Variants in OLFM2 observed in about 807,000 individuals in gnomAD.
OLFM2 encodes the protein noelin-2.
In OLFM2, 20 loss-of-function variants were observed where a neutral mutation model predicts 43.9. The ratio of observed to expected loss-of-function variants is 0.46; its 90% confidence interval spans 0.32 to 0.66. OLFM2 has a LOEUF of 0.66. OLFM2 is among the 30% of genes least tolerant of loss of function. OLFM2 has a pLI of 0.04. For missense variants in OLFM2, 416 were observed against 643.6 expected (o/e 0.65, Z 3.83); for synonymous variants, 268 against 278.6 (o/e 0.96, Z 0.38).
At chr19:9,902,245 G>T (rs576540544) in intron 1 of OLFM2, among the ~76,000 whole-genome samples, 10 of 151,948 alleles carry the variant, frequency 6.6e-5, no homozygotes. Flanking sequence ...AACCAGGAGG[G>T]TCTCGATCTC....
intron 1 of OLFM2, among the ~76,000 whole-genome samples, chr19:9,915,504 A>ATTTT (rs1196029710): frequency 3.0e-5 from 2 of 65,936 alleles, no homozygotes; most frequent in African/African-American, 6.3e-5. Context: ...TTTTTTATTT[A>ATTTT]TTTATTTATT....
intron 1 of OLFM2, among the ~76,000 whole-genome samples, chr19:9,916,307 A>G (rs1392692389): frequency 6.6e-6 from 1 of 152,166 alleles, no homozygotes; most frequent in Non-Finnish European, 1.5e-5. Context: ...CAGTGAGCCA[A>G]GATCGAGCCA....
chr19:9,885,919 A>T (rs943763042), intron 1 of OLFM2, among the ~76,000 whole-genome samples: 3 of 152,048 alleles, frequency 2.0e-5, no homozygotes, highest in African/African-American at 7.2e-5. Flanking sequence ...CAACACAGCA[A>T]GACCCTGTCT....
chr19:9,856,928 C>G lies in OLFM2; in HGVS notation c.581-15G>C. On this transcript the variant is annotated splice_polypyrimidine_tract_variant and intron_variant, in intron 4 of 5. Coordinates refer to ENST00000264833, the MANE Select transcript of OLFM2 (RefSeq NM_058164.4). This position sits in a 1 kb window ranked among gnomAD's most constrained non-coding sequence, Gnocchi z 4.0. ...CTTCCCACAGCCTGGGAGGCAGGAA[C>G]AGGGGGAATGAGGATGGGGAAATGA... The G allele has an allele frequency of 1.3e-6, 2 of 1,585,336 alleles. No individual in the cohort carries two copies. The highest frequency in any genetic ancestry group is 1.7e-6 in the Non-Finnish European group (2 of 1,161,386).
chr19:9,905,114 G>C (rs1212651869), intron 1 of OLFM2, among the ~76,000 whole-genome samples: 8 of 151,994 alleles, frequency 5.3e-5, no homozygotes, highest in African/African-American at 1.9e-4. Context: ...CTGAGCTCAG[G>C]AGTTCAAGAC....
intron 1 of OLFM2, among the ~76,000 whole-genome samples, chr19:9,898,035 G>A (rs189036321): frequency 6.6e-6 from 1 of 150,804 alleles, no homozygotes; most frequent in African/African-American, 2.4e-5. Flanking sequence ...CTTCCAAGTA[G>A]CTGGGACTAT....
intron 1 of OLFM2, among the ~76,000 whole-genome samples, chr19:9,868,971 ATTT>A (rs33994907): frequency 2.5e-4 from 26 of 102,880 alleles, no homozygotes; most frequent in South Asian, 6.0e-4. Context: ...AGTCCCTTAA[ATTT>A]TTTTTTTTTT....
intron 1 of OLFM2, among the ~76,000 whole-genome samples, chr19:9,877,434 G>A (rs1243987075): frequency 2.0e-5 from 3 of 151,916 alleles, no homozygotes; most frequent in South Asian, 2.1e-4. Context: ...TCTGTAGGCC[G>A]AGGCAGGAGA....
intron 1 of OLFM2, among the ~76,000 whole-genome samples, chr19:9,907,111 A>G (rs2046791934): frequency 6.6e-6 from 1 of 152,152 alleles, no homozygotes; most frequent in African/African-American, 2.4e-5. Context: ...CATCACCAGC[A>G]TACCCAGGGG....
intron 1 of OLFM2, among the ~76,000 whole-genome samples, chr19:9,902,706 C>T (rs1463298157): frequency 6.6e-6 from 1 of 151,670 alleles, no homozygotes; most frequent in Non-Finnish European, 1.5e-5. Flanking sequence ...GATCACCCAG[C>T]CTTTTCTGGT....
chr19:9,936,249 G>A, intron 1 of OLFM2, 55 bp downstream of exon 1: 1 of 1,512,976 alleles, frequency 6.6e-7, no homozygotes, highest in African/African-American at 1.4e-5. Context: ...AACCCTCCGC[G>A]CCCCCCTCCT....
At chr19:9,902,174 A>G (rs1328741985) in intron 1 of OLFM2, among the ~76,000 whole-genome samples, 4 of 150,990 alleles carry the variant, frequency 2.6e-5, no homozygotes, top group Admixed American at 6.6e-5. Context: ...GACTACAGGC[A>G]CCCGCCACCA....
chr19:9,884,548 G>A (rs1250197168), intron 1 of OLFM2, among the ~76,000 whole-genome samples: 1 of 152,136 alleles, frequency 6.6e-6, no homozygotes, highest in Non-Finnish European at 1.5e-5. Flanking sequence ...GTGCACTCCA[G>A]CCCCAGGTCT....
At chr19:9,893,025 G>A (rs1248627173) in intron 1 of OLFM2, among the ~76,000 whole-genome samples, 6 of 152,086 alleles carry the variant, frequency 3.9e-5, no homozygotes, top group African/African-American at 1.4e-4. Context: ...CCCAGGACTC[G>A]GATTTGGTCC....
chr19:9,927,728 C>T (rs998747376), intron 1 of OLFM2, among the ~76,000 whole-genome samples: 2 of 152,186 alleles, frequency 1.3e-5, no homozygotes, highest in Non-Finnish European at 2.9e-5. Flanking sequence ...GTGAGTGCCT[C>T]TATCAGTGTC....
chr19:9,860,370 A>G (rs2046357577), intron 2 of OLFM2, among the ~76,000 whole-genome samples: 1 of 150,912 alleles, frequency 6.6e-6, no homozygotes, highest in Non-Finnish European at 1.5e-5. Flanking sequence ...AGCTACTCAG[A>G]GGCTGAGGAG....
intron 2 of OLFM2, among the ~76,000 whole-genome samples, chr19:9,859,244 T>C (rs1204111104): frequency 6.6e-6 from 1 of 152,258 alleles, no homozygotes; most frequent in Non-Finnish European, 1.5e-5. Flanking sequence ...TTCAGCTACC[T>C]GAGGCCAACC....
intron 1 of OLFM2, among the ~76,000 whole-genome samples, chr19:9,907,415 C>T (rs921503221): frequency 5.3e-5 from 8 of 151,960 alleles, no homozygotes; most frequent in Non-Finnish European, 7.4e-5. Context: ...TGGGCCAAGA[C>T]GGTGCCACTG....
intron 1 of OLFM2, among the ~76,000 whole-genome samples, chr19:9,925,997 C>T (rs896779935): frequency 2.0e-5 from 3 of 151,650 alleles, no homozygotes; most frequent in East Asian, 3.9e-4. Context: ...ATTAGCCAGC[C>T]GTGGTGGCAT....
Sources: allele counts gnomAD v4.1 joint callset (sites outside exome capture counted in the v4.1 genomes callset), GRCh38; gene constraint gnomAD v4.1.1; non-coding constraint Gnocchi (gnomAD v3.1); transcripts MANE v1.5; gene names NCBI Gene and HGNC (gene_info 2026-07-23, HGNC 2026-07-21).